RFC2: variants seen among roughly 807,000 people sequenced by gnomAD.
The protein encoded by RFC2 is A1 40 kDa subunit.
In RFC2, 34 loss-of-function variants were observed where a neutral mutation model predicts 44.8. That is an observed-to-expected ratio of 0.76 (90% confidence interval 0.58 to 1.01). RFC2 has a LOEUF of 1.01. Ranked by LOEUF, RFC2 falls within the 50% of genes least tolerant of loss-of-function variation. The pLI, the probability that RFC2 is intolerant of heterozygous loss-of-function variation, is 0.00. For synonymous variants in RFC2, 177 were observed against 168.9 expected, an observed-to-expected ratio of 1.05 and a Z score of -0.37; for missense variants, 400 against 453.6, an observed-to-expected ratio of 0.88 and a Z score of 1.07.
At chr7:74,243,388 A>G in intron 5 of RFC2, 142 bp from the exon 6 acceptor site, 1 of 623,876 alleles carries the variant, frequency 1.6e-6, no homozygotes. Context: ...CATCCCTCTA[A>G]TGCTAACACC....
intron 9 of RFC2, among the ~76,000 whole-genome samples, chr7:74,236,749 A>G (rs1554718356): frequency 6.6e-6 from 1 of 152,158 alleles, no homozygotes; most frequent in African/African-American, 2.4e-5. Context: ...TGCAGAGGAT[A>G]TAATTACAGG....
chr7:74,248,707 G>C lies in RFC2; in HGVS notation c.332+305C>G, dbSNP rs1451492377. 2.0e-5 allele frequency among the ~76,000 whole-genome samples: 3 copies of C among 152,084 alleles called. No individual in the cohort carries two copies. The East Asian group carries it at 5.8e-4, about 29-fold the overall frequency. ...AGTGGAGACGGGGTTTCACCATGTT[G>C]GCTAGGATGGTCTCGAATTCCTGAC... On this transcript the variant is annotated intron_variant, in intron 4 of 10. Transcript: ENST00000055077.
intron 4 of RFC2, among the ~76,000 whole-genome samples, chr7:74,248,390 C>T (rs1309349165): frequency 6.6e-6 from 1 of 151,776 alleles, no homozygotes; most frequent in African/African-American, 2.4e-5. Context: ...AGCAACTTAG[C>T]AGGCCAAGGC....
chr7:74,254,339 G>T lies in RFC2; in HGVS notation c.45C>A (p.Ala15=). The change falls in exon 1 of 11, where the codon GCC becomes GCA. Residue 15 remains alanine (A), a synonymous_variant. Transcript: ENST00000055077. ...AVCGGAGEVE[A]QDSDPAPAFS... is the part of the protein sequence containing the mutation. ...AGGCAGGGGCAGGGTCAGAGTCCTG[G>T]GCCTCCACCTCGCCCGCGCCACCAC... 6.2e-7 allele frequency: 1 copy of T among 1,611,142 alleles called. No individual in the cohort carries two copies. Among genetic ancestry groups the T allele is most frequent in the Non-Finnish European group, 8.5e-7 (1 of 1,179,038 alleles).
chr7:74,248,961 A>G (rs1554720543), intron 4 of RFC2, 51 bp downstream of exon 4: 2 of 1,285,654 alleles, frequency 1.6e-6, no homozygotes, highest in Admixed American at 3.4e-5. Context: ...TTCTGTAACA[A>G]TTCTCAATGC....
In RFC2 at chr7:74,254,380, C is replaced by A; in HGVS notation, c.4G>T (p.Glu2Ter). Residue 2 changes from glutamate to a stop codon, truncating the protein, a stop_gained, in exon 1 of 11, where the codon GAG becomes TAG. Coordinates refer to ENST00000055077, the MANE Select transcript of RFC2 (RefSeq NM_181471.3). LOFTEE classifies it high-confidence loss of function. Reference sequence around the variant, plus strand: ...GCGCCACCACAGACGGCCTCCACCTCCATTCTCGCGCCTCCTCTTCCCGCC... The same window carrying A: ...GCGCCACCACAGACGGCCTCCACCTACATTCTCGCGCCTCCTCTTCCCGCC... The part of the protein sequence containing the change: M[E>*]VEAVCGGAGE... 1.3e-6 allele frequency: 2 copies of A among 1,595,724 alleles called. No homozygotes were observed. The highest frequency in any genetic ancestry group is 1.7e-6 in the Non-Finnish European group (2 of 1,169,178).
At chr7:74,237,983 T>C (rs1450584053) in intron 8 of RFC2, among the ~76,000 whole-genome samples, 1 of 152,024 alleles carries the variant, frequency 6.6e-6, no homozygotes, top group Non-Finnish European at 1.5e-5. Context: ...CTGCCTCTGG[T>C]ACAATGTCGA....
At chr7:74,242,877 C>T (rs1483108234) in intron 6 of RFC2, among the ~76,000 whole-genome samples, 1 of 150,616 alleles carries the variant, frequency 6.6e-6, no homozygotes, top group African/African-American at 2.4e-5. Flanking sequence ...GATCTGAGAT[C>T]GTGCCATTGC....
Position 74,238,914 on chromosome 7 carries a change from C to T in RFC2, c.759+9G>A, listed in dbSNP as rs41552517. ...CTGCTGACAGTACCACCCACACTAG[C>T]GCTTGTACCTTGAACACGTTCTCAC... is the stretch of plus-strand genomic sequence containing the variant. On this transcript the variant is annotated intron_variant, in intron 8 of 10. Transcript: ENST00000055077. The surrounding 1 kb of genome is among the most constrained non-coding windows in gnomAD (Gnocchi z 4.0). The T allele has an allele frequency of 0.034, 54,467 of 1,610,372 alleles. 1,142 individuals carry two copies. The highest frequency in any genetic ancestry group is 0.041 in the Non-Finnish European group (48,374 of 1,176,566).
At chr7:74,250,052 C>T (rs573252152) in intron 2 of RFC2, among the ~76,000 whole-genome samples, 74 of 151,390 alleles carry the variant, frequency 4.9e-4, no homozygotes, top group African/African-American at 1.7e-3. Flanking sequence ...ACTCGGGAGG[C>T]TAAAATGGGA....
intron 7 of RFC2, among the ~76,000 whole-genome samples, chr7:74,239,348 T>C (rs565323058): frequency 6.6e-6 from 1 of 150,796 alleles, no homozygotes; most frequent in South Asian, 2.1e-4. Flanking sequence ...GCTTTTTTTT[T>C]TGAGACAGAG....
At chr7:74,237,065 TA>T (rs1554718435) in intron 9 of RFC2, among the ~76,000 whole-genome samples, 5 of 151,280 alleles carry the variant, frequency 3.3e-5, no homozygotes, top group Middle Eastern at 3.4e-3. Context: ...ACTCCTAGCA[TA>T]ATTTTTTTTT....
At chr7:74,236,091 A>G (rs914009074) in intron 9 of RFC2, among the ~76,000 whole-genome samples, 2 of 152,210 alleles carry the variant, frequency 1.3e-5, no homozygotes, top group Non-Finnish European at 2.9e-5. Flanking sequence ...CAGACCATTC[A>G]TCTGCTAGCT....
At chr7:74,249,272 G>A in intron 3 of RFC2, 154 bp from the exon 4 acceptor site, 1 of 1,395,718 alleles carries the variant, frequency 7.2e-7, no homozygotes, top group South Asian at 1.2e-5. Context: ...CGGAGACAGT[G>A]GCTCACACCT....
At chr7:74,233,166 G>A (rs1338209812) in intron 10 of RFC2, among the ~76,000 whole-genome samples, 7 of 152,032 alleles carry the variant, frequency 4.6e-5, no homozygotes, top group East Asian at 1.9e-4. Context: ...AACTATGATC[G>A]CACCACTGCA....
chr7:74,243,110 C>T, intron 6 of RFC2, 36 bp downstream of exon 6: 3 of 1,393,118 alleles, frequency 2.2e-6, no homozygotes. Flanking sequence ...CAGTTGAGCA[C>T]CACGTGGCCC....
intron 6 of RFC2, 59 bp from the exon 7 acceptor site, chr7:74,240,154 G>C: frequency 6.6e-7 from 1 of 1,517,532 alleles, no homozygotes; most frequent in Non-Finnish European, 9.1e-7. Flanking sequence ...CATCCTGCTA[G>C]CTCTTTGGTC....
intron 6 of RFC2, among the ~76,000 whole-genome samples, chr7:74,241,135 T>C (rs1235758541): frequency 6.6e-6 from 1 of 152,112 alleles, no homozygotes; most frequent in Non-Finnish European, 1.5e-5. Context: ...TTCACCATGT[T>C]GGCCAGGTTG....
rs377300393 is a variant in RFC2 at position 74,240,013 on chromosome 7, G to C, written c.618C>G (p.Ile206Met). ...AQILTRLMNV[I>M]EKERVPYTDD... ...CAGTGTAGGGTACCCTCTCCTTCTCGATAACATTCATCAGCCTGGTGAGGA... is the reference window on the plus strand; with the variant it reads ...CAGTGTAGGGTACCCTCTCCTTCTCCATAACATTCATCAGCCTGGTGAGGA... Residue 206 changes from isoleucine to methionine, a missense_variant, in exon 7 of 11, where the codon ATC (isoleucine) becomes ATG (methionine). Coordinates refer to ENST00000055077, the MANE Select transcript of RFC2 (RefSeq NM_181471.3). The C allele has an allele frequency of 1.2e-6, 2 of 1,613,956 alleles. No individual in the cohort carries two copies. The highest frequency in any genetic ancestry group is 1.7e-5 in the Admixed American group (1 of 59,972).
Sources: allele counts gnomAD v4.1 joint callset (sites outside exome capture counted in the v4.1 genomes callset), GRCh38; gene constraint gnomAD v4.1.1; non-coding constraint Gnocchi (gnomAD v3.1); transcripts MANE v1.5; gene names NCBI Gene and HGNC (gene_info 2026-07-23, HGNC 2026-07-21).